NALF1: variants seen among roughly 807,000 people sequenced by gnomAD.
NALF1 encodes the protein NALCN channel auxiliary factor 1.
A neutral mutation model predicts 48.4 loss-of-function variants in NALF1; 3 were observed. The observed-to-expected ratio is 0.06, with a 90% CI of 0.03 to 0.16. The LOEUF (loss-of-function observed/expected upper bound fraction) is 0.16. Ranked by LOEUF, NALF1 falls within the 10% of genes least tolerant of loss-of-function variation. NALF1 has a pLI of 1.00. For synonymous variants in NALF1, 262 were observed against 245.7 expected (o/e 1.07, Z -0.62); for missense variants, 526 against 571.5 (o/e 0.92, Z 0.81).
intron 1 of NALF1, among the ~76,000 whole-genome samples, chr13:107,299,472 A>AATTAT (rs1344151094): frequency 1.1e-3 from 32 of 30,064 alleles, no homozygotes; most frequent in African/African-American, 3.3e-3. Flanking sequence ...TAATAATAAT[A>AATTAT]AATAAATAAA....
chr13:107,204,256 C>T (rs190172130), intron 2 of NALF1, among the ~76,000 whole-genome samples: 1 of 152,366 alleles, frequency 6.6e-6, no homozygotes, highest in Non-Finnish European at 1.5e-5. Context: ...CACAGACAAG[C>T]GTAAAACCTC....
intron 1 of NALF1, among the ~76,000 whole-genome samples, chr13:107,784,356 T>C (rs1443199931): frequency 6.6e-6 from 1 of 152,190 alleles, no homozygotes; most frequent in African/African-American, 2.4e-5. Context: ...CATCCACAAA[T>C]ACCAGCATAG....
At chr13:107,358,404 A>G (rs1211716728) in intron 1 of NALF1, among the ~76,000 whole-genome samples, 1 of 152,188 alleles carries the variant, frequency 6.6e-6, no homozygotes, top group Admixed American at 6.6e-5. Flanking sequence ...AAAAACATTT[A>G]GCAGTGCATG....
intron 1 of NALF1, among the ~76,000 whole-genome samples, chr13:107,333,585 C>G (rs772574791): frequency 6.6e-6 from 1 of 152,054 alleles, no homozygotes; most frequent in Non-Finnish European, 1.5e-5. Flanking sequence ...GGGGCAGGTA[C>G]GAGTAAATTT....
intron 1 of NALF1, among the ~76,000 whole-genome samples, chr13:107,731,418 G>T (rs182859876): frequency 3.3e-5 from 5 of 152,020 alleles, no homozygotes; most frequent in Non-Finnish European, 7.4e-5. Flanking sequence ...TTTTATTTTA[G>T]GTTCAGGAGT....
At chr13:107,207,059 T>A (rs1879659188) in intron 2 of NALF1, among the ~76,000 whole-genome samples, 1 of 152,178 alleles carries the variant, frequency 6.6e-6, no homozygotes, top group African/African-American at 2.4e-5. Flanking sequence ...CTTGATGATT[T>A]TTTTCAAAAA....
intron 1 of NALF1, among the ~76,000 whole-genome samples, chr13:107,819,489 A>T (rs1193807603): frequency 6.6e-6 from 1 of 152,204 alleles, no homozygotes; most frequent in Non-Finnish European, 1.5e-5. Flanking sequence ...CACACCTGAA[A>T]GCTATTTTAT....
chr13:107,391,003 G>C (rs960883504), intron 1 of NALF1, among the ~76,000 whole-genome samples: 3 of 152,112 alleles, frequency 2.0e-5, no homozygotes, highest in Non-Finnish European at 2.9e-5. Context: ...CATGTGCCAG[G>C]CATCACAGTG....
At chr13:107,314,244 T>C (rs1250820825) in intron 1 of NALF1, among the ~76,000 whole-genome samples, 2 of 152,130 alleles carry the variant, frequency 1.3e-5, no homozygotes, top group Non-Finnish European at 2.9e-5. Flanking sequence ...GATCACTTTC[T>C]AATTAGGCTT....
At chr13:107,600,937 G>T (rs1023700651) in intron 1 of NALF1, among the ~76,000 whole-genome samples, 4 of 152,158 alleles carry the variant, frequency 2.6e-5, no homozygotes, top group Non-Finnish European at 5.9e-5. Flanking sequence ...CTATTGGGTG[G>T]GTCAGGGCAA....
chr13:107,578,320 A>G (rs1357816763), intron 1 of NALF1, among the ~76,000 whole-genome samples: 1 of 152,152 alleles, frequency 6.6e-6, no homozygotes, highest in Non-Finnish European at 1.5e-5. Flanking sequence ...GTGGTTTGAC[A>G]TTAGTCTTGC....
chr13:107,231,998 T>C (rs911600430), intron 1 of NALF1, among the ~76,000 whole-genome samples: 1 of 152,206 alleles, frequency 6.6e-6, no homozygotes, highest in Non-Finnish European at 1.5e-5. Flanking sequence ...GTCAAAGACA[T>C]GGAATTACTA....
chr13:107,340,489 T>TTCTTTCTTTC (rs1566489753), intron 1 of NALF1, among the ~76,000 whole-genome samples: 5,383 of 56,976 alleles, frequency 0.094, 260 homozygotes, highest in African/African-American at 0.14. Flanking sequence ...TTCTTTCTTT[T>TTCTTTCTTTC]TGTCTTTCTT....
At chr13:107,254,141 C>A (rs1009226403) in intron 1 of NALF1, among the ~76,000 whole-genome samples, 11 of 151,792 alleles carry the variant, frequency 7.2e-5, no homozygotes, top group African/African-American at 2.7e-4. Context: ...CAATTACACA[C>A]AGGCAAGACA....
chr13:107,488,398 A>C (rs1885363546), intron 1 of NALF1, among the ~76,000 whole-genome samples: 1 of 151,674 alleles, frequency 6.6e-6, no homozygotes, highest in Non-Finnish European at 1.5e-5. Context: ...TAACTTTTTG[A>C]TGTGGGCATT....
chr13:107,412,220 C>G (rs1884004766), intron 1 of NALF1, among the ~76,000 whole-genome samples: 1 of 152,150 alleles, frequency 6.6e-6, no homozygotes. Flanking sequence ...TCATAGCTGA[C>G]ACTTACTGAA....
At chr13:107,633,401 T>C (rs1348178912) in intron 1 of NALF1, among the ~76,000 whole-genome samples, 6 of 152,056 alleles carry the variant, frequency 3.9e-5, no homozygotes, top group Non-Finnish European at 1.5e-5. Flanking sequence ...ATAACTAGAA[T>C]TGATCATTTC....
intron 1 of NALF1, among the ~76,000 whole-genome samples, chr13:107,344,964 A>C (rs1882747005): frequency 6.6e-6 from 1 of 152,160 alleles, no homozygotes; most frequent in African/African-American, 2.4e-5. Flanking sequence ...GTTAGAACTA[A>C]TAAAAACAAA....
intron 1 of NALF1, among the ~76,000 whole-genome samples, chr13:107,774,523 C>A (rs754169280): frequency 2.6e-5 from 4 of 152,210 alleles, no homozygotes; most frequent in Non-Finnish European, 2.9e-5. Context: ...TAAAACCTCT[C>A]TGAGACTAAA....
Sources: gnomAD v4.1 joint callset for allele counts (sites outside exome capture counted in the v4.1 genomes callset) on GRCh38, gnomAD v4.1.1 for gene constraint, MANE v1.5 for transcripts, NCBI Gene and HGNC (gene_info 2026-07-23, HGNC 2026-07-21) for gene names.